Variants in RELCH observed in about 807,000 individuals in gnomAD.
RELCH encodes the protein RAB11-binding protein RELCH.
A neutral mutation model predicts 150.3 loss-of-function variants in RELCH; 41 were observed. The ratio of observed to expected loss-of-function variants is 0.27; its 90% CI spans 0.21 to 0.35. The LOEUF is 0.35. Ranked by LOEUF, RELCH falls within the 10% of genes least tolerant of loss-of-function variation. The pLI is 1.00. For missense variants in RELCH, 1,092 were observed against 1,467.8 expected (o/e 0.74, Z 4.18); for synonymous variants, 478 against 531.8 (o/e 0.90, Z 1.39).
At chr18:62,202,105 T>C (rs1407153510) in intron 1 of RELCH, among the ~76,000 whole-genome samples, 1 of 152,206 alleles carries the variant, frequency 6.6e-6, no homozygotes, top group Non-Finnish European at 1.5e-5. Flanking sequence ...TGATTATTTG[T>C]TTCTGAGTTA....
At chr18:62,245,372 C>G (rs1452900151) in intron 11 of RELCH, among the ~76,000 whole-genome samples, 1 of 152,076 alleles carries the variant, frequency 6.6e-6, no homozygotes, top group Non-Finnish European at 1.5e-5. Flanking sequence ...GCCTGTAATC[C>G]CAGGACTTTG....
At chr18:62,296,486 T>C (rs2045415101) in intron 27 of RELCH, among the ~76,000 whole-genome samples, 1 of 152,068 alleles carries the variant, frequency 6.6e-6, no homozygotes, top group South Asian at 2.1e-4. Context: ...CTTGGGAGGC[T>C]GAGGCAGGAG....
In RELCH at chr18:62,204,703, C is replaced by T. The variant is rs140639731; in HGVS notation, c.527-6450C>T. ...AACCCAATGGTTTATTCCAGTTTAGCATTTTATATTTTCAGTTATTTAAAA... is the reference window on the plus strand; with the variant it reads ...AACCCAATGGTTTATTCCAGTTTAGTATTTTATATTTTCAGTTATTTAAAA... On this transcript the variant is annotated intron_variant, in intron 1 of 28. Transcript: ENST00000644646. Among the ~76,000 whole-genome samples the T allele has an allele frequency of 2.3e-3, 352 of 152,218 alleles. 4 individuals carry two copies. The highest frequency in any genetic ancestry group is 8.1e-3 in the African/African-American group (337 of 41,532).
At chr18:62,202,208 T>C (rs1275634417) in intron 1 of RELCH, among the ~76,000 whole-genome samples, 1 of 152,210 alleles carries the variant, frequency 6.6e-6, no homozygotes, top group Non-Finnish European at 1.5e-5. Context: ...ATATGGTAGA[T>C]TCTTAATAAA....
intron 14 of RELCH, 73 bp from the exon 15 acceptor site, chr18:62,258,439 T>G: frequency 7.9e-7 from 1 of 1,264,772 alleles, no homozygotes; most frequent in South Asian, 1.4e-5. Context: ...GAAATTTTTA[T>G]TACTTTTTAT....
Position 62,309,928 on chromosome 18 carries a change from G to A in RELCH, c.*4394G>A, listed in dbSNP as rs2145207669. ...GGGTGTCATTTGTTGATAGTAATCT[G>A]CTTTTTATAATTTTAACAAACTGCT... On this transcript the variant is annotated 3_prime_UTR_variant, in exon 29 of 29. Transcript: ENST00000644646. 6.6e-6 allele frequency: 1 copy of A among 152,238 alleles called. No individual in the cohort carries two copies. Among genetic ancestry groups the A allele is most frequent in the Middle Eastern group, 3.4e-3 (1 of 294 alleles). 9.4% of individuals were successfully genotyped at this position (152,238 alleles called of 1,614,324 possible). A position where few individuals can be genotyped will look rare whatever the true frequency, so the allele number is the denominator to read the frequency against.
intron 23 of RELCH, 49 bp downstream of exon 23, chr18:62,279,905 C>A: frequency 1.7e-6 from 2 of 1,209,994 alleles, no homozygotes; most frequent in Non-Finnish European, 2.3e-6. Flanking sequence ...TCAAAATGTG[C>A]CTGTCAAGAA....
chr18:62,287,582 T>C (rs2044878417), intron 26 of RELCH, 115 bp downstream of exon 26: 5 of 683,776 alleles, frequency 7.3e-6, no homozygotes, highest in South Asian at 6.7e-5. Context: ...TTAAGCGTTG[T>C]AGAAAATTGA....
intron 22 of RELCH, among the ~76,000 whole-genome samples, chr18:62,278,270 A>G (rs1600210308): frequency 6.6e-6 from 1 of 152,196 alleles, no homozygotes; most frequent in Non-Finnish European, 1.5e-5. Context: ...AATCTTACTT[A>G]TAAAATGATA....
At chr18:62,189,042 C>T (rs983574362) in intron 1 of RELCH, among the ~76,000 whole-genome samples, 2 of 151,968 alleles carry the variant, frequency 1.3e-5, no homozygotes, top group Admixed American at 6.6e-5. Flanking sequence ...CAAACGTAGA[C>T]GTGGTGGAAG....
At chr18:62,281,901 G>T (rs2044537133) in intron 24 of RELCH, among the ~76,000 whole-genome samples, 1 of 152,198 alleles carries the variant, frequency 6.6e-6, no homozygotes, top group African/African-American at 2.4e-5. Flanking sequence ...AGGGAAATGT[G>T]AGTAAGATGT....
At chr18:62,290,935 T>A (rs766001445) in intron 26 of RELCH, among the ~76,000 whole-genome samples, 1 of 152,210 alleles carries the variant, frequency 6.6e-6, no homozygotes, top group Non-Finnish European at 1.5e-5. Context: ...GATATAGGCA[T>A]CTCTTTTGTG....
chr18:62,208,460 C>T (rs1253865834), intron 1 of RELCH, among the ~76,000 whole-genome samples: 1 of 151,782 alleles, frequency 6.6e-6, no homozygotes, highest in Non-Finnish European at 1.5e-5. Context: ...TTGACAAAAA[C>T]GTCATAGCTC....
At chr18:62,296,715 G>A (rs1353401593) in intron 27 of RELCH, among the ~76,000 whole-genome samples, 3 of 152,094 alleles carry the variant, frequency 2.0e-5, no homozygotes, top group Admixed American at 1.3e-4. Context: ...GTTTTTGAAT[G>A]TTTTTATTAT....
intron 19 of RELCH, among the ~76,000 whole-genome samples, chr18:62,267,907 A>G (rs1184927651): frequency 1.3e-5 from 2 of 152,018 alleles, no homozygotes; most frequent in Admixed American, 1.3e-4. Context: ...AATATACTTT[A>G]AGCTTATGTT....
chr18:62,242,682 A>G (rs1275246165), intron 10 of RELCH, among the ~76,000 whole-genome samples: 1 of 152,186 alleles, frequency 6.6e-6, no homozygotes, highest in African/African-American at 2.4e-5. Context: ...ATATTAATGT[A>G]TGACATAAAC....
At position 62,282,350 on chromosome 18, in the gene RELCH, T is replaced by A. The variant is rs2144958417; in HGVS notation, c.3159T>A (p.Asp1053Glu). 1 of 1,613,198 alleles carries A rather than the reference T, an allele frequency of 6.2e-7. No individual in the cohort carries two copies. The highest frequency in any genetic ancestry group is 2.2e-5 in the East Asian group (1 of 44,858). The stretch of plus-strand genomic sequence containing the variant: ...TGCAGTTGGCTTCTTTCCTGGAAGA[T>A]CCTCAGTATCAAGACCAACATTCTT... ...VKMQLASFLE[D>E]PQYQDQHSLH... Residue 1053 changes from aspartate (D) to glutamate (E), a missense_variant, in exon 25 of 29, where the codon GAT (aspartate) becomes GAA (glutamate). Physicochemically the swap from Asp to Glu is conservative, Grantham distance 45. Around this residue, in one of 4 missense-constraint regions of RELCH, gnomAD observed 707 missense variants for 1,025.4 expected, o/e 0.69. Coordinates refer to ENST00000644646, the MANE Select transcript of RELCH (RefSeq NM_001346231.2).
At chr18:62,269,406 T>C (rs1264096608) in intron 20 of RELCH, 1 of 428,902 alleles carries the variant, frequency 2.3e-6, no homozygotes, top group Admixed American at 2.7e-5. Context: ...GATTTTTTTT[T>C]TCAGATAAAG....
At chr18:62,233,376 A>G (rs1430438065) in intron 10 of RELCH, among the ~76,000 whole-genome samples, 2 of 151,906 alleles carry the variant, frequency 1.3e-5, no homozygotes, top group Non-Finnish European at 2.9e-5. Context: ...CTACAGTATG[A>G]TAGGTACATA....
Sources: gnomAD v4.1 joint callset for allele counts (sites outside exome capture counted in the v4.1 genomes callset) on GRCh38, gnomAD v4.1.1 for gene constraint, gnomAD v4.1.1 regional missense constraint, MANE v1.5 for transcripts, NCBI Gene and HGNC (gene_info 2026-07-23, HGNC 2026-07-21) for gene names.